CNTN4: variants seen among roughly 807,000 people sequenced by gnomAD.
CNTN4 encodes the protein contactin-4.
CNTN4 carries 77 observed loss-of-function variants against 122.5 expected under a neutral mutation model. The observed-to-expected ratio is 0.63, with a 90% confidence interval of 0.52 to 0.76. The LOEUF (loss-of-function observed/expected upper bound fraction) is 0.76, where lower values mean the gene tolerates loss of function less well. Among genes scored for constraint, CNTN4 ranks in the 30% least tolerant of loss-of-function variants. The pLI is 0.00. For missense variants in CNTN4, 1,256 were observed against 1,259.1 expected (o/e 1.00, Z 0.04); for synonymous variants, 512 against 447.0 (o/e 1.15, Z -1.83).
At chr3:2,164,572 C>A (rs1221043601) in intron 2 of CNTN4, among the ~76,000 whole-genome samples, 1 of 152,090 alleles carries the variant, frequency 6.6e-6, no homozygotes, top group Non-Finnish European at 1.5e-5. Flanking sequence ...TTTAGACATA[C>A]CATGATGGAA....
chr3:2,233,064 A>T (rs142449450), intron 2 of CNTN4, among the ~76,000 whole-genome samples: 49 of 152,258 alleles, frequency 3.2e-4, no homozygotes, highest in African/African-American at 9.9e-4. Context: ...AGAGCAGTCA[A>T]ACTATTCAAG....
At chr3:2,813,415 G>T (rs575468568) in intron 6 of CNTN4, among the ~76,000 whole-genome samples, 189 of 152,150 alleles carry the variant, frequency 1.2e-3, no homozygotes, top group Non-Finnish European at 1.3e-3. Context: ...AAGTGAATTG[G>T]TATTTTTTTA....
chr3:3,035,621 A>G (rs1397626884), intron 17 of CNTN4, among the ~76,000 whole-genome samples: 2 of 152,160 alleles, frequency 1.3e-5, no homozygotes, highest in Non-Finnish European at 2.9e-5. Flanking sequence ...CAGTGGTACA[A>G]TCACAGCACA....
At chr3:2,120,406 T>TA (rs1491534107) in intron 2 of CNTN4, among the ~76,000 whole-genome samples, 999 of 23,860 alleles carry the variant, frequency 0.042, 11 homozygotes, top group Middle Eastern at 0.067. Context: ...TATATATATA[T>TA]TTTTTTTTTT....
At chr3:2,869,486 T>C (rs1295000922) in intron 8 of CNTN4, among the ~76,000 whole-genome samples, 1 of 152,200 alleles carries the variant, frequency 6.6e-6, no homozygotes, top group Non-Finnish European at 1.5e-5. Flanking sequence ...TGTATGGGAA[T>C]GCCCTTTACT....
intron 12 of CNTN4, among the ~76,000 whole-genome samples, chr3:2,921,046 C>A (rs879651105): frequency 6.6e-6 from 1 of 152,126 alleles, no homozygotes; most frequent in Non-Finnish European, 1.5e-5. Flanking sequence ...AGAGCACTGA[C>A]TTGTTTTTTA....
chr3:2,245,952 A>C (rs930066177), intron 2 of CNTN4, among the ~76,000 whole-genome samples: 8 of 152,114 alleles, frequency 5.3e-5, no homozygotes, highest in East Asian at 1.9e-4. Context: ...AGCAACAGGC[A>C]CACAGAGAGA....
In CNTN4 at chr3:2,567,169, C is replaced by T. The variant is rs563928485; in HGVS notation, c.-88-4247C>T. Among the ~76,000 whole-genome samples the T allele has an allele frequency of 2.6e-5, 4 of 151,096 alleles. 1 individual carries two copies. The highest frequency in any genetic ancestry group is 2.0e-4 in the East Asian group (1 of 5,052). ...ATGCACGATCTCGGCTCACTGCAAC[C>T]TCCGCCTCCTGGGTTCAAGCCATTC... On this transcript the variant is annotated intron_variant, in intron 3 of 24. Coordinates refer to ENST00000418658, the MANE Select transcript of CNTN4 (RefSeq NM_175607.3).
At chr3:2,302,548 C>T (rs1055913284) in intron 2 of CNTN4, among the ~76,000 whole-genome samples, 7 of 152,256 alleles carry the variant, frequency 4.6e-5, no homozygotes, top group Admixed American at 1.3e-4. Flanking sequence ...TAACTAAAGT[C>T]GTTGAAATAT....
chr3:2,782,715 C>G (rs1189030596), intron 6 of CNTN4, among the ~76,000 whole-genome samples: 1 of 152,064 alleles, frequency 6.6e-6, no homozygotes, highest in Non-Finnish European at 1.5e-5. Flanking sequence ...TTTTCAGTGC[C>G]CATTCCCTGG....
intron 7 of CNTN4, among the ~76,000 whole-genome samples, chr3:2,834,898 C>CATTTTTTTTTTTTTTTTTTTTTTTTTTT (rs2093184426): frequency 1.7e-5 from 1 of 60,450 alleles, no homozygotes. Flanking sequence ...TAAAGGCAAC[C>CATTTTTTTTTTTTTTTTTTTTTTTTTTT]TTTTTTTTTT....
chr3:2,742,741 A>G (rs1403322722), intron 5 of CNTN4, among the ~76,000 whole-genome samples: 2 of 152,170 alleles, frequency 1.3e-5, no homozygotes, highest in African/African-American at 4.8e-5. Flanking sequence ...GAAAATCTCT[A>G]TTGGCTCCAA....
rs902859757 is a variant in CNTN4, at chr3:2,417,767, T to C, written c.-89+78534T>C. Among the ~76,000 whole-genome samples the C allele has an allele frequency of 1.9e-4, 29 of 152,152 alleles. 1 individual carries two copies. The highest frequency in any genetic ancestry group is 6.8e-4 in the African/African-American group (28 of 41,430). On this transcript the variant is annotated intron_variant, in intron 3 of 24. Coordinates refer to ENST00000418658, the MANE Select transcript of CNTN4 (RefSeq NM_175607.3). ...AGTAGATGAATGGTTAAGTAAACTGTGGTACACCTAGAGAATGGAATAATA... is the reference window on the plus strand; with the variant it reads ...AGTAGATGAATGGTTAAGTAAACTGCGGTACACCTAGAGAATGGAATAATA...
At chr3:2,130,714 G>T (rs185043818) in intron 2 of CNTN4, among the ~76,000 whole-genome samples, 1 of 152,216 alleles carries the variant, frequency 6.6e-6, no homozygotes, top group African/African-American at 2.4e-5. Context: ...AGAACTGTGT[G>T]GTGTCTATGT....
chr3:2,732,957 A>C (rs1241613586), intron 4 of CNTN4, among the ~76,000 whole-genome samples: 1 of 152,222 alleles, frequency 6.6e-6, no homozygotes, highest in Admixed American at 6.5e-5. Context: ...TGAGAAAATA[A>C]AAACTTTAGA....
intron 4 of CNTN4, among the ~76,000 whole-genome samples, chr3:2,655,090 T>C (rs1416156579): frequency 6.6e-6 from 1 of 152,184 alleles, no homozygotes; most frequent in Non-Finnish European, 1.5e-5. Context: ...ACTTATTCTC[T>C]GAAGGGTCCC....
chr3:2,891,378 C>T (rs1011581783), intron 10 of CNTN4, among the ~76,000 whole-genome samples: 6 of 151,998 alleles, frequency 3.9e-5, no homozygotes, highest in African/African-American at 9.7e-5. Flanking sequence ...ACCCAGGAGG[C>T]GGAGGTTCCA....
chr3:2,769,496 G>A (rs1289203145), intron 6 of CNTN4, among the ~76,000 whole-genome samples: 1 of 151,358 alleles, frequency 6.6e-6, no homozygotes, highest in African/African-American at 2.4e-5. Context: ...AAAACAAAAG[G>A]CAGTGTTTAG....
chr3:2,735,931 A>T lies in CNTN4; in HGVS notation c.56-284A>T, dbSNP rs749627866. 3 of 550,676 alleles carry T rather than the reference A, an allele frequency of 5.4e-6. No homozygotes were observed. In the East Asian group the frequency reaches 1.4e-4, roughly 25 times the overall value. 34.1% of individuals were successfully genotyped at this position (550,676 alleles called of 1,614,324 possible). ...GTAGGCTAAAGACAAGCAGAACAAT[A>T]CATAGAAGAGAGAAAGGGAGACGTC... On this transcript the variant is annotated intron_variant, in intron 4 of 24. Transcript: ENST00000418658.
Sources: gnomAD v4.1 joint callset for allele counts (sites outside exome capture counted in the v4.1 genomes callset) on GRCh38, gnomAD v4.1.1 for gene constraint, MANE v1.5 for transcripts, NCBI Gene and HGNC (gene_info 2026-07-23, HGNC 2026-07-21) for gene names.